Variants in ATP10B observed in about 807,000 individuals in gnomAD.
ATP10B encodes the protein phospholipid-transporting ATPase VB.
ATP10B carries 122 observed loss-of-function variants against 141.2 expected under a neutral mutation model. That is an observed-to-expected ratio of 0.86 (90% CI 0.75 to 1.00). The LOEUF (loss-of-function observed/expected upper bound fraction) is 1.00, where lower values mean the gene tolerates loss of function less well. Among genes scored for constraint, ATP10B ranks in the 50% least tolerant of loss-of-function variants. ATP10B has a pLI of 0.00. For missense variants in ATP10B, 1,876 were observed against 1,825.3 expected, an observed-to-expected ratio of 1.03 and a Z score of -0.51; for synonymous variants, 685 against 692.0, an observed-to-expected ratio of 0.99 and a Z score of 0.16.
the ATP10B span, among the ~76,000 whole-genome samples, chr5:160,895,608 A>G: frequency 6.6e-6 from 1 of 152,180 alleles, no homozygotes; most frequent in Admixed American, 6.5e-5. Context: ...TGGGAGACTT[A>G]ACACCCCACT....
chr5:160,615,460 G>C (rs1052043501), intron 17 of ATP10B, among the ~76,000 whole-genome samples: 3 of 150,984 alleles, frequency 2.0e-5, no homozygotes, highest in East Asian at 3.9e-4. Flanking sequence ...ATCCTCACTA[G>C]ACTCCAAGAT....
At chr5:160,655,626 GC>G (rs1435140095) in intron 7 of ATP10B, among the ~76,000 whole-genome samples, 1 of 152,136 alleles carries the variant, frequency 6.6e-6, no homozygotes, top group Non-Finnish European at 1.5e-5. Context: ...CGTAGAAAAA[GC>G]CCCAGGTACA....
chr5:160,872,158 T>TC, the ATP10B span, among the ~76,000 whole-genome samples: 1 of 152,344 alleles, frequency 6.6e-6, no homozygotes, highest in African/African-American at 2.4e-5. Context: ...GAGCATTTTT[T>TC]CATATATCTA....
chr5:160,617,791 GAA>G, intron 16 of ATP10B, 71 bp downstream of exon 16: 10 of 1,294,862 alleles, frequency 7.7e-6, no homozygotes, highest in Non-Finnish European at 1.1e-5. Context: ...CTTTTATAAA[GAA>G]AAAGAAGCAG....
intron 8 of ATP10B, among the ~76,000 whole-genome samples, chr5:160,647,041 G>A (rs1204976271): frequency 3.3e-5 from 5 of 152,206 alleles, no homozygotes; most frequent in African/African-American, 4.8e-5. Context: ...TCTCCTGGTT[G>A]GAGGGGTGGT....
intron 2 of ATP10B, among the ~76,000 whole-genome samples, chr5:160,738,563 T>TA (rs578065280): frequency 5.4e-4 from 82 of 152,222 alleles, no homozygotes; most frequent in African/African-American, 1.9e-3. Flanking sequence ...CGCCAAGCAC[T>TA]ATCTATTCTA....
chr5:160,755,953 A>T (rs772039663), intron 2 of ATP10B, among the ~76,000 whole-genome samples: 72 of 147,858 alleles, frequency 4.9e-4, no homozygotes, highest in Non-Finnish European at 8.0e-4. Context: ...GCATGACTGC[A>T]TCTAAAGTGA....
chr5:160,619,431 A>G (rs984051901), intron 15 of ATP10B, among the ~76,000 whole-genome samples: 4 of 152,202 alleles, frequency 2.6e-5, no homozygotes, highest in Admixed American at 2.0e-4. Flanking sequence ...GCTGAGGGAT[A>G]GAGTGCCGTG....
At chr5:160,649,905 G>GT (rs1760583652) in intron 7 of ATP10B, among the ~76,000 whole-genome samples, 1 of 151,522 alleles carries the variant, frequency 6.6e-6, no homozygotes, top group African/African-American at 2.4e-5. Context: ...ATCACCTGAG[G>GT]TCAGGAGATC....
rs1290080116 is a variant in ATP10B at position 160,797,677 on chromosome 5, C to A, written c.-575-11874G>T. On this transcript the variant is annotated intron_variant, in intron 1 of 25. Transcript: ENST00000327245. Reference sequence around the variant, plus strand: ...GCTGTGTGAACAAACTAGGAGGGAACAAACTAGTGGAACTGCTGGTGTTCA... The same window carrying A: ...GCTGTGTGAACAAACTAGGAGGGAAAAAACTAGTGGAACTGCTGGTGTTCA... Among the ~76,000 whole-genome samples, 9 of 152,114 alleles carry A rather than the reference C, an allele frequency of 5.9e-5. No individual in the cohort carries two copies. In the East Asian group the frequency reaches 1.3e-3, roughly 23 times the overall value.
chr5:160,895,876 A>G, the ATP10B span, among the ~76,000 whole-genome samples: 1 of 152,240 alleles, frequency 6.6e-6, no homozygotes, highest in Non-Finnish European at 1.5e-5. Flanking sequence ...ATCAAATTAG[A>G]ACTCAAGATT....
At chr5:160,913,936 A>G in the ATP10B span, among the ~76,000 whole-genome samples, 1 of 152,222 alleles carries the variant, frequency 6.6e-6, no homozygotes, top group Non-Finnish European at 1.5e-5. Context: ...CAAGAAAAAT[A>G]TTGGTTTCTC....
the ATP10B span, among the ~76,000 whole-genome samples, chr5:160,876,643 A>T: frequency 6.6e-6 from 1 of 152,096 alleles, no homozygotes; most frequent in Non-Finnish European, 1.5e-5. Context: ...TGCTAGCAAG[A>T]CTAATAAAGA....
chr5:160,584,073 G>A (rs554038298), intron 24 of ATP10B, among the ~76,000 whole-genome samples: 2 of 151,716 alleles, frequency 1.3e-5, no homozygotes, highest in South Asian at 2.1e-4. Context: ...CACCACTGGG[G>A]TATGGAAAAA....
chr5:160,716,004 C>T (rs1001876396), intron 3 of ATP10B, among the ~76,000 whole-genome samples: 37 of 152,086 alleles, frequency 2.4e-4, no homozygotes, highest in African/African-American at 8.0e-4. Flanking sequence ...CCACCATACC[C>T]GGCCAGAATT....
At chr5:160,807,142 A>C (rs1452388003) in intron 1 of ATP10B, among the ~76,000 whole-genome samples, 2 of 152,232 alleles carry the variant, frequency 1.3e-5, no homozygotes, top group Non-Finnish European at 2.9e-5. Flanking sequence ...ATTACAAGGG[A>C]GAAATCAAGG....
chr5:160,856,133 A>G (rs1041397552), upstream of ATP10B, among the ~76,000 whole-genome samples: 2 of 151,816 alleles, frequency 1.3e-5, no homozygotes, highest in Non-Finnish European at 2.9e-5. Flanking sequence ...TTTGATAGTG[A>G]TTGTATTAAA....
In ATP10B at chr5:160,598,715, G is replaced by A. The variant is rs1581177580; in HGVS notation, c.3564+55C>T. 1.9e-6 allele frequency: 3 copies of A among 1,546,734 alleles called. No homozygotes were observed. The East Asian group carries it at 6.7e-5, about 35-fold the overall frequency. On this transcript the variant is annotated intron_variant, in intron 22 of 25. Transcript: ENST00000327245. ...TTTCTCTGATGCCTCCAGAGGGGAG[G>A]TAGAGGTCAGTAAGAAGCTGAAGTC... is the stretch of plus-strand genomic sequence containing the variant.
chr5:160,899,809 G>A, the ATP10B span, among the ~76,000 whole-genome samples: 1 of 152,126 alleles, frequency 6.6e-6, no homozygotes, highest in African/African-American at 2.4e-5. Context: ...TCCTGTCAGT[G>A]GATATAATGT....
Sources: gnomAD v4.1 joint callset for allele counts (sites outside exome capture counted in the v4.1 genomes callset) on GRCh38, gnomAD v4.1.1 for gene constraint, MANE v1.5 for transcripts, NCBI Gene and HGNC (gene_info 2026-07-23, HGNC 2026-07-21) for gene names.